ANKS1B: variants seen among roughly 807,000 people sequenced by gnomAD.
The protein encoded by ANKS1B is ankyrin repeat and sterile alpha motif domain containing 1B.
In ANKS1B, 36 loss-of-function variants were observed where a neutral mutation model predicts 148.3. The observed-to-expected ratio is 0.24, with a 90% CI of 0.19 to 0.32. The LOEUF (loss-of-function observed/expected upper bound fraction) is 0.32. ANKS1B is among the 10% of genes least tolerant of loss of function. The pLI is 1.00. For missense variants in ANKS1B, 1,157 were observed against 1,542.6 expected, an observed-to-expected ratio of 0.75 and a Z score of 4.19; for synonymous variants, 542 against 560.8, an observed-to-expected ratio of 0.97 and a Z score of 0.47.
chr12:99,636,985 A>T (rs180825549), intron 9 of ANKS1B, among the ~76,000 whole-genome samples: 1 of 152,316 alleles, frequency 6.6e-6, no homozygotes, highest in East Asian at 1.9e-4. Flanking sequence ...TCTCACTAAT[A>T]ATCAGGAAAA....
chr12:99,325,992 C>A (rs754200357), intron 12 of ANKS1B, among the ~76,000 whole-genome samples: 1 of 152,014 alleles, frequency 6.6e-6, no homozygotes, highest in Non-Finnish European at 1.5e-5. Context: ...GCACCTTCTT[C>A]ACAAGGCAGC....
intron 17 of ANKS1B, among the ~76,000 whole-genome samples, chr12:98,943,931 C>T (rs922913303): frequency 2.0e-5 from 3 of 152,140 alleles, no homozygotes; most frequent in Non-Finnish European, 2.9e-5. Context: ...GTGGATCCCT[C>T]GTGAATGGCT....
At chr12:99,939,109 T>C (rs2094853600) in intron 1 of ANKS1B, among the ~76,000 whole-genome samples, 1 of 152,160 alleles carries the variant, frequency 6.6e-6, no homozygotes, top group Admixed American at 6.5e-5. Context: ...AAATTTCTTT[T>C]GAGACAGGGT....
At chr12:99,744,465 C>T (rs1442427325) in intron 8 of ANKS1B, among the ~76,000 whole-genome samples, 1 of 152,108 alleles carries the variant, frequency 6.6e-6, no homozygotes, top group Non-Finnish European at 1.5e-5. Flanking sequence ...TCCTTAAGTC[C>T]CTATGTCCAC....
chr12:99,576,024 C>T (rs556111988), intron 9 of ANKS1B, among the ~76,000 whole-genome samples: 10 of 151,908 alleles, frequency 6.6e-5, no homozygotes, highest in African/African-American at 1.4e-4. Context: ...GCAATGACAC[C>T]GATAGGCTCA....
rs555275500 is a variant in ANKS1B, at chr12:98,959,149, A to C, written c.2778+94008T>G. Among the ~76,000 whole-genome samples the C allele has an allele frequency of 1.9e-4, 29 of 152,358 alleles. 1 individual carries two copies. The highest frequency in any genetic ancestry group is 6.8e-3 in the Middle Eastern group (2 of 294). ...TGGTGTAAATGTTTTCAGGGTTGCC[A>C]GTTTCTATTACTGCATGTTAGCAAT... On this transcript the variant is annotated intron_variant, in intron 17 of 26. Coordinates refer to ENST00000683438, the MANE Select transcript of ANKS1B (RefSeq NM_001352186.2).
At chr12:99,888,127 G>C (rs2092919662) in intron 1 of ANKS1B, among the ~76,000 whole-genome samples, 1 of 152,180 alleles carries the variant, frequency 6.6e-6, no homozygotes, top group African/African-American at 2.4e-5. Context: ...CCATTCATTT[G>C]TTCACTCCAC....
At chr12:99,771,967 G>A (rs1409574546) in intron 8 of ANKS1B, among the ~76,000 whole-genome samples, 1 of 151,888 alleles carries the variant, frequency 6.6e-6, no homozygotes, top group African/African-American at 2.4e-5. Context: ...ACTTAACACA[G>A]TTCACTCTAT....
rs550780487 is a variant in ANKS1B, at chr12:99,968,427, G to A, written c.134+15677C>T. On this transcript the variant is annotated intron_variant, in intron 1 of 26. Transcript: ENST00000683438. ...AAAAAAAATAGCCCGGTGTGGTGGC[G>A]GGCGCCTGTAGTCCCGGCTACTCGG... 5.9e-5 allele frequency among the ~76,000 whole-genome samples: 9 copies of A among 152,194 alleles called. No homozygotes were observed. The East Asian group carries it at 1.4e-3, about 23-fold the overall frequency.
At chr12:99,684,048 A>C (rs1362273152) in intron 8 of ANKS1B, among the ~76,000 whole-genome samples, 1 of 152,118 alleles carries the variant, frequency 6.6e-6, no homozygotes, top group African/African-American at 2.4e-5. Context: ...GAGACCTGGG[A>C]TAACACAAGG....
At chr12:98,853,957 G>T (rs531865923) in intron 17 of ANKS1B, among the ~76,000 whole-genome samples, 1 of 152,144 alleles carries the variant, frequency 6.6e-6, no homozygotes, top group Admixed American at 6.5e-5. Flanking sequence ...CCATAATCAG[G>T]CTTCATTATG....
chr12:99,670,419 A>G (rs913830042), intron 8 of ANKS1B, among the ~76,000 whole-genome samples: 3 of 152,132 alleles, frequency 2.0e-5, no homozygotes, highest in African/African-American at 7.2e-5. Flanking sequence ...AACCAACCTG[A>G]ACTTCCTGTG....
At chr12:99,502,820 T>C (rs963718469) in intron 10 of ANKS1B, among the ~76,000 whole-genome samples, 2 of 152,210 alleles carry the variant, frequency 1.3e-5, no homozygotes, top group Non-Finnish European at 2.9e-5. Flanking sequence ...CTTAAAAGTC[T>C]TCCTTCTGTA....
At chr12:99,655,288 A>G in intron 8 of ANKS1B, 78 bp from the exon 9 acceptor site, 3 of 1,305,888 alleles carry the variant, frequency 2.3e-6, no homozygotes, top group Non-Finnish European at 3.1e-6. Context: ...AATTCTATAA[A>G]TGACAGTGGT....
intron 17 of ANKS1B, among the ~76,000 whole-genome samples, chr12:98,950,655 T>C (rs962816612): frequency 1.3e-5 from 2 of 152,196 alleles, no homozygotes; most frequent in Non-Finnish European, 2.9e-5. Context: ...AGTCTGATTT[T>C]ACCAATGAAA....
At chr12:99,112,573 T>A (rs1237214412) in intron 15 of ANKS1B, among the ~76,000 whole-genome samples, 8 of 152,124 alleles carry the variant, frequency 5.3e-5, no homozygotes, top group Admixed American at 5.2e-4. Flanking sequence ...AGGTCCCTGA[T>A]CCTGGCACAG....
chr12:99,378,753 T>C (rs1426838310), intron 12 of ANKS1B, among the ~76,000 whole-genome samples: 2 of 151,476 alleles, frequency 1.3e-5, no homozygotes, highest in East Asian at 3.9e-4. Flanking sequence ...GGAAGCAAAC[T>C]GAGAAGATTT....
chr12:99,696,255 G>A (rs1261896612), intron 8 of ANKS1B, among the ~76,000 whole-genome samples: 1 of 152,124 alleles, frequency 6.6e-6, no homozygotes, highest in African/African-American at 2.4e-5. Context: ...ATAAGATGAT[G>A]TAGAGTCATT....
At chr12:99,581,909 AAAAAAAG>A (rs1231899361) in intron 9 of ANKS1B, among the ~76,000 whole-genome samples, 21 of 151,206 alleles carry the variant, frequency 1.4e-4, no homozygotes, top group South Asian at 2.1e-4. Flanking sequence ...AAAAAAAAAA[AAAAAAAG>A]AAAAAAGAAA....
Sources: allele counts gnomAD v4.1 joint callset (sites outside exome capture counted in the v4.1 genomes callset), GRCh38; gene constraint gnomAD v4.1.1; transcripts MANE v1.5; gene names NCBI Gene and HGNC (gene_info 2026-07-23, HGNC 2026-07-21).